SLC5A4: variants seen among roughly 807,000 people sequenced by gnomAD.
The protein encoded by SLC5A4 is probable glucose sensor protein SLC5A4.
SLC5A4 carries 55 observed loss-of-function variants against 70.3 expected under a neutral mutation model. That is an observed-to-expected ratio of 0.78 (90% CI 0.63 to 0.98). SLC5A4 has a LOEUF of 0.98. Ranked by LOEUF, SLC5A4 falls within the 50% of genes least tolerant of loss-of-function variation. SLC5A4 has a pLI of 0.00. For missense variants in SLC5A4, 735 were observed against 839.2 expected (o/e 0.88, Z 1.53); for synonymous variants, 268 against 305.7 (o/e 0.88, Z 1.29).
the SLC5A4 span, chr22:32,272,568 G>GTGGA: frequency 1.6e-6 from 1 of 638,178 alleles, no homozygotes; most frequent in Non-Finnish European, 2.9e-6. Flanking sequence ...GGTGTACAGC[G>GTGGA]TGGACTTCAT....
chr22:32,305,856 C>T, the SLC5A4 span, among the ~76,000 whole-genome samples: 4 of 150,810 alleles, frequency 2.7e-5, no homozygotes, highest in African/African-American at 4.9e-5. Flanking sequence ...CACGTGCTTT[C>T]GGCTCTGTCT....
intron 3 of SLC5A4, among the ~76,000 whole-genome samples, chr22:32,251,525 C>T (rs1345044589): frequency 4.6e-5 from 7 of 152,026 alleles, no homozygotes; most frequent in African/African-American, 1.7e-4. Flanking sequence ...CTCTCTCTCT[C>T]TCTCTCTCTC....
At chr22:32,332,886 C>T in the SLC5A4 span, among the ~76,000 whole-genome samples, 2 of 152,208 alleles carry the variant, frequency 1.3e-5, no homozygotes, top group South Asian at 2.1e-4. Flanking sequence ...AGCCTCTGTC[C>T]GTAACTCCTG....
chr22:32,239,518 TTATATATATATATATATATATATATATA>T (rs1173210993), intron 5 of SLC5A4, among the ~76,000 whole-genome samples: 9 of 25,230 alleles, frequency 3.6e-4, no homozygotes, highest in Admixed American at 1.8e-3. Flanking sequence ...GGAGTGCATA[TTATATATATATATATATATATATATATA>T]TATATATATA....
At chr22:32,311,448 G>A in the SLC5A4 span, among the ~76,000 whole-genome samples, 1 of 152,230 alleles carries the variant, frequency 6.6e-6, no homozygotes, top group Non-Finnish European at 1.5e-5. Flanking sequence ...GTGGCCTTTG[G>A]AGATGTTTGT....
chr22:32,333,198 C>CT, the SLC5A4 span, among the ~76,000 whole-genome samples: 57 of 145,942 alleles, frequency 3.9e-4, 4 homozygotes, highest in East Asian at 0.011. Flanking sequence ...GCACTGGCAC[C>CT]CCCCCCCCAG....
chr22:32,251,371 A>G (rs1927144880), intron 3 of SLC5A4, among the ~76,000 whole-genome samples: 1 of 152,022 alleles, frequency 6.6e-6, no homozygotes, highest in South Asian at 2.1e-4. Flanking sequence ...TCATAAACAG[A>G]TGGATCCCAT....
chr22:32,319,688 C>G, the SLC5A4 span, among the ~76,000 whole-genome samples: 4 of 152,212 alleles, frequency 2.6e-5, no homozygotes, highest in African/African-American at 9.7e-5. Flanking sequence ...CAGATAAACC[C>G]AAGGCTGAAT....
At chr22:32,297,865 G>A in the SLC5A4 span, among the ~76,000 whole-genome samples, 8 of 101,748 alleles carry the variant, frequency 7.9e-5, no homozygotes, top group South Asian at 7.1e-4. Context: ...CTTTGTTCTC[G>A]TTGGTTTCAA....
chr22:32,303,911 C>T, the SLC5A4 span, among the ~76,000 whole-genome samples: 1 of 152,080 alleles, frequency 6.6e-6, no homozygotes, highest in Non-Finnish European at 1.5e-5. Context: ...TTTTGCATTC[C>T]CACAGCAGTG....
chr22:32,264,200 A>T, the SLC5A4 span, among the ~76,000 whole-genome samples: 402 of 149,764 alleles, frequency 2.7e-3, 1 homozygote, highest in Middle Eastern at 0.01. Context: ...AAAAAAAATT[A>T]AAAAAAAAAG....
intron 6 of SLC5A4, among the ~76,000 whole-genome samples, chr22:32,237,815 T>C (rs1413617307): frequency 6.6e-6 from 1 of 152,206 alleles, no homozygotes; most frequent in Non-Finnish European, 1.5e-5. Context: ...CCAACTTCTT[T>C]TTCAGTTCTA....
chr22:32,332,457 T>C, the SLC5A4 span, among the ~76,000 whole-genome samples: 25 of 152,332 alleles, frequency 1.6e-4, no homozygotes, highest in African/African-American at 5.0e-4. Flanking sequence ...GGCTCATTCC[T>C]TTCCATCCTA....
intron 7 of SLC5A4, 95 bp from the exon 8 acceptor site, chr22:32,235,188 C>T: frequency 4.8e-6 from 4 of 828,342 alleles, no homozygotes; most frequent in African/African-American, 3.4e-5. Context: ...AAACAAGCAC[C>T]TCCCATCAGC....
chr22:32,333,757 C>A, the SLC5A4 span, among the ~76,000 whole-genome samples: 2 of 151,622 alleles, frequency 1.3e-5, no homozygotes, highest in African/African-American at 4.9e-5. Flanking sequence ...CCATGCCACA[C>A]AGACACCCAC....
the SLC5A4 span, chr22:32,270,422 T>C: frequency 1.4e-6 from 2 of 1,415,390 alleles, no homozygotes; most frequent in South Asian, 1.2e-5. Flanking sequence ...TGGACAGTCA[T>C]CGCCCTGGTG....
At chr22:32,234,821 GACAC>G (rs1184626358) in intron 8 of SLC5A4, 48 bp downstream of exon 8, 21 of 1,314,722 alleles carry the variant, frequency 1.6e-5, no homozygotes, top group East Asian at 2.3e-5. Context: ...CACACATACA[GACAC>G]ACAGACAGAC....
the SLC5A4 span, among the ~76,000 whole-genome samples, chr22:32,263,229 A>T: frequency 1.3e-5 from 2 of 151,902 alleles, no homozygotes; most frequent in Admixed American, 1.3e-4. Flanking sequence ...GGCTGGTCTC[A>T]AACACTGGGT....
At chr22:32,293,785 G>C in the SLC5A4 span, among the ~76,000 whole-genome samples, 8 of 151,938 alleles carry the variant, frequency 5.3e-5, no homozygotes, top group African/African-American at 1.9e-4. Flanking sequence ...ATTTTTTAAA[G>C]TTGGGGCCCA....
Sources: allele counts gnomAD v4.1 joint callset (sites outside exome capture counted in the v4.1 genomes callset), GRCh38; gene constraint gnomAD v4.1.1; transcripts MANE v1.5; gene names NCBI Gene and HGNC (gene_info 2026-07-23, HGNC 2026-07-21).